CFAP91: variants seen among roughly 807,000 people sequenced by gnomAD.
CFAP91 encodes cilia- and flagella-associated protein 91.
In CFAP91, 85 loss-of-function variants were observed where a neutral mutation model predicts 95.9. That is an observed-to-expected ratio of 0.89 (90% CI 0.74 to 1.06). The LOEUF is 1.06. Ranked by LOEUF, CFAP91 falls within the 50% of genes least tolerant of loss-of-function variation. CFAP91 has a pLI of 0.00. For synonymous variants in CFAP91, 335 were observed against 327.5 expected (o/e 1.02, Z -0.25); for missense variants, 962 against 943.4 (o/e 1.02, Z -0.26).
Position 119,730,258 on chromosome 3 carries a change from T to C in CFAP91, c.899T>C (p.Leu300Ser). The change falls in exon 8 of 18, where the codon TTG becomes TCG. Residue 300 changes from leucine to serine, a missense_variant. By Grantham distance (145) the Leu-to-Ser change is moderately radical. Coordinates refer to ENST00000273390, the MANE Select transcript of CFAP91 (RefSeq NM_033364.4). ...EIRLEVLKEL[L>S]RKREENQNEV... is the part of the protein sequence containing the mutation. ...CGCCTGGAAGTTCTAAAAGAGCTGT[T>C]GAGGAAGCGTGAAGAGAATCAGAAT... 2.5e-6 allele frequency: 4 copies of C among 1,614,088 alleles called. No individual in the cohort carries two copies. The highest frequency in any genetic ancestry group is 3.4e-6 in the Non-Finnish European group (4 of 1,180,000).
chr3:119,762,755 C>T (rs1357904943), intron 17 of CFAP91, among the ~76,000 whole-genome samples: 1 of 152,014 alleles, frequency 6.6e-6, no homozygotes, highest in Non-Finnish European at 1.5e-5. Flanking sequence ...GCTGAGAAAA[C>T]TGGATATCTA....
intron 6 of CFAP91, among the ~76,000 whole-genome samples, chr3:119,716,950 T>C (rs2053587500): frequency 6.6e-6 from 1 of 152,208 alleles, no homozygotes; most frequent in African/African-American, 2.4e-5. Context: ...ATTAAAAATA[T>C]GCTGAAACCT....
intron 5 of CFAP91, among the ~76,000 whole-genome samples, chr3:119,711,851 A>G (rs1029255677): frequency 7.2e-5 from 11 of 152,270 alleles, no homozygotes; most frequent in African/African-American, 2.4e-4. Context: ...AAAACATTCA[A>G]TGAAGTTCAT....
intron 5 of CFAP91, among the ~76,000 whole-genome samples, chr3:119,712,183 T>C (rs2053484140): frequency 6.6e-6 from 1 of 152,212 alleles, no homozygotes; most frequent in Non-Finnish European, 1.5e-5. Context: ...TCATTGCTCT[T>C]TGTTACTCAT....
chr3:119,735,850 T>C (rs1310573714), intron 10 of CFAP91, among the ~76,000 whole-genome samples: 1 of 152,234 alleles, frequency 6.6e-6, no homozygotes, highest in African/African-American at 2.4e-5. Flanking sequence ...TTAACAGTTA[T>C]CTTTTAGATT....
At chr3:119,758,773 A>AG (rs2054480055) in intron 17 of CFAP91, among the ~76,000 whole-genome samples, 2 of 152,094 alleles carry the variant, frequency 1.3e-5, no homozygotes, top group African/African-American at 4.8e-5. Context: ...GGATGAGATG[A>AG]GATAGGGAAA....
intron 10 of CFAP91, among the ~76,000 whole-genome samples, chr3:119,733,897 CA>C (rs1339921500): frequency 1.3e-5 from 2 of 152,174 alleles, no homozygotes; most frequent in Non-Finnish European, 2.9e-5. Flanking sequence ...TCATGTTCAA[CA>C]CCTTTCTCAT....
chr3:119,753,403 A>AT (rs2054362828), intron 17 of CFAP91, among the ~76,000 whole-genome samples: 1 of 152,292 alleles, frequency 6.6e-6, no homozygotes, highest in Non-Finnish European at 1.5e-5. Context: ...CATCTGAGTG[A>AT]TTTTAAAAAT....
intron 1 of CFAP91, 120 bp from the exon 2 acceptor site, chr3:119,706,689 G>C (rs1467850157): frequency 1.4e-6 from 1 of 736,694 alleles, no homozygotes; most frequent in East Asian, 2.7e-5. Context: ...TGCAGAGTCA[G>C]ACAATATTTA....
chr3:119,760,669 C>T (rs944325124), intron 17 of CFAP91, among the ~76,000 whole-genome samples: 11 of 151,562 alleles, frequency 7.3e-5, no homozygotes, highest in South Asian at 2.1e-4. Flanking sequence ...GAAATTATAG[C>T]CAGTATTTTT....
Position 119,744,058 on chromosome 3 carries a change from G to A in CFAP91, c.1764G>A (p.Val588=), listed in dbSNP as rs375040384. ...DMFDFLSKEL[V]RLQEERRIHA... The stretch of plus-strand genomic sequence containing the variant: ...TTGACTTCCTGTCCAAAGAGCTGGT[G>A]AGACTGCAGGAGGAGAGGAGGATCC... The change falls in exon 14 of 18, where the codon GTG becomes GTA. Residue 588 remains valine, a synonymous_variant. Transcript: ENST00000273390. 4 of 1,614,240 alleles carry A rather than the reference G, an allele frequency of 2.5e-6. No homozygotes were observed. The African/African-American group carries it at 4.0e-5, about 16-fold the overall frequency.
intron 13 of CFAP91, among the ~76,000 whole-genome samples, chr3:119,741,734 A>AC (rs1330077502): frequency 9.2e-5 from 14 of 152,006 alleles, no homozygotes; most frequent in East Asian, 3.8e-4. Context: ...AGTTAATATG[A>AC]CCCCCCCTTT....
intron 7 of CFAP91, among the ~76,000 whole-genome samples, chr3:119,727,965 C>G (rs1016253293): frequency 1.3e-5 from 2 of 151,724 alleles, no homozygotes; most frequent in African/African-American, 2.4e-5. Context: ...CCTTCCTGCC[C>G]CAGTGAACTA....
chr3:119,708,810 C>A, intron 4 of CFAP91, 136 bp downstream of exon 4: 2 of 568,908 alleles, frequency 3.5e-6, no homozygotes, highest in Non-Finnish European at 6.3e-6. Flanking sequence ...TGCATATGAT[C>A]TAATCGTTAA....
intron 17 of CFAP91, among the ~76,000 whole-genome samples, chr3:119,759,768 T>A (rs2054501231): frequency 6.6e-6 from 1 of 151,992 alleles, no homozygotes; most frequent in Non-Finnish European, 1.5e-5. Context: ...AGTGTAGAGT[T>A]CTTGCATGCA....
chr3:119,753,044 T>C (rs1465372343), intron 17 of CFAP91, among the ~76,000 whole-genome samples: 1 of 152,166 alleles, frequency 6.6e-6, no homozygotes, highest in Non-Finnish European at 1.5e-5. Context: ...TGATTTAAAA[T>C]ACATATTTAA....
At chr3:119,750,451 T>TA (rs1194128006) in intron 16 of CFAP91, 1 of 165,330 alleles carries the variant, frequency 6.0e-6, no homozygotes, top group Admixed American at 5.5e-5. Context: ...CATGAGCTCA[T>TA]AAACTCATCA....
At chr3:119,707,732 G>GAGATATATATATATATATAT (rs1553704804) in intron 3 of CFAP91, among the ~76,000 whole-genome samples, 171 bp downstream of exon 3, 1 of 142,468 alleles carries the variant, frequency 7.0e-6, no homozygotes, top group South Asian at 2.2e-4. Context: ...GTATATATGA[G>GAGATATATATATATATATAT]ATATATATAT....
chr3:119,742,820 A>AG (rs1280163331), intron 13 of CFAP91, among the ~76,000 whole-genome samples: 1 of 152,200 alleles, frequency 6.6e-6, no homozygotes, highest in African/African-American at 2.4e-5. Flanking sequence ...TTTTACCCAT[A>AG]GCCCCATGGC....
Sources: gnomAD v4.1 joint callset for allele counts (sites outside exome capture counted in the v4.1 genomes callset) on GRCh38, gnomAD v4.1.1 for gene constraint, MANE v1.5 for transcripts, NCBI Gene and HGNC (gene_info 2026-07-23, HGNC 2026-07-21) for gene names.